Variants in RAB3GAP1 observed in about 807,000 individuals in gnomAD.
RAB3GAP1 encodes rab3 GTPase-activating protein catalytic subunit.
RAB3GAP1 carries 86 observed loss-of-function variants against 130.7 expected under a neutral mutation model. The observed-to-expected ratio is 0.66, with a 90% CI of 0.55 to 0.79. RAB3GAP1 has a LOEUF of 0.79. Ranked by LOEUF, RAB3GAP1 falls within the 30% of genes least tolerant of loss-of-function variation. The probability of loss-of-function intolerance (pLI) is 0.00; values close to 1 mark genes in which losing one functional copy is unlikely to be tolerated. For missense variants in RAB3GAP1, 1,029 were observed against 1,169.4 expected, an observed-to-expected ratio of 0.88 and a Z score of 1.75; for synonymous variants, 367 against 401.7, an observed-to-expected ratio of 0.91 and a Z score of 1.03.
At chr2:135,126,327 A>C in intron 10 of RAB3GAP1, 78 bp downstream of exon 10, 1 of 1,152,438 alleles carries the variant, frequency 8.7e-7, no homozygotes, top group Non-Finnish European at 1.3e-6. Context: ...AGTAATTTTT[A>C]TATGCATTTT....
At chr2:135,103,006 G>GAAAAAAA (rs371708711) in intron 5 of RAB3GAP1, among the ~76,000 whole-genome samples, 236 of 70,570 alleles carry the variant, frequency 3.3e-3, no homozygotes, top group Non-Finnish European at 4.5e-3. Context: ...GACTCCGTCT[G>GAAAAAAA]AAAAAAAAAA....
At chr2:135,088,383 C>T (rs1251179645) in intron 3 of RAB3GAP1, among the ~76,000 whole-genome samples, 1 of 151,982 alleles carries the variant, frequency 6.6e-6, no homozygotes, top group Non-Finnish European at 1.5e-5. Context: ...AAACCCACCC[C>T]ACACAAAAAA....
At chr2:135,085,022 G>C (rs966452844) in intron 3 of RAB3GAP1, among the ~76,000 whole-genome samples, 1 of 152,140 alleles carries the variant, frequency 6.6e-6, no homozygotes, top group African/African-American at 2.4e-5. Context: ...CTATGCACAG[G>C]TGTATAAAGA....
intron 4 of RAB3GAP1, among the ~76,000 whole-genome samples, chr2:135,093,364 T>C (rs1387765779): frequency 3.3e-5 from 5 of 152,174 alleles, no homozygotes. Flanking sequence ...GTGTGAGTTG[T>C]GACTCAGAAG....
At chr2:135,089,008 G>C (rs923516730) in intron 3 of RAB3GAP1, among the ~76,000 whole-genome samples, 3 of 152,058 alleles carry the variant, frequency 2.0e-5, no homozygotes, top group Non-Finnish European at 2.9e-5. Context: ...TTCTTCTAGG[G>C]TTTCTATGGT....
Position 135,168,960 on chromosome 2 carries a change from G to C in RAB3GAP1, c.*179G>C, listed in dbSNP as rs927040482. 1.8e-4 allele frequency: 124 copies of C among 680,260 alleles called. No homozygotes were observed. Among genetic ancestry groups the C allele is most frequent in the Non-Finnish European group, 2.2e-4 (83 of 377,920 alleles). The allele number at this position is 680,260 out of a possible 1,614,324, so 42.1% of individuals were successfully genotyped here. A position where few individuals can be genotyped will look rare whatever the true frequency, so the allele number is the denominator to read the frequency against. On this transcript the variant is annotated 3_prime_UTR_variant, in exon 24 of 24. Transcript: ENST00000264158. ...CAAGCTTGAGCTGTGTCGTTTCGTG[G>C]AGGGGGCAGCGAGGATGGGCTTGAG...
At chr2:135,113,808 G>A (rs1190169917) in intron 6 of RAB3GAP1, among the ~76,000 whole-genome samples, 3 of 151,712 alleles carry the variant, frequency 2.0e-5, no homozygotes, top group African/African-American at 7.3e-5. Flanking sequence ...GGCACAGTCT[G>A]GGCTCACTGC....
At chr2:135,053,039 C>T (rs1220811685) in intron 2 of RAB3GAP1, among the ~76,000 whole-genome samples, 2 of 152,102 alleles carry the variant, frequency 1.3e-5, no homozygotes, top group Non-Finnish European at 2.9e-5. Context: ...CCGCCCAGGC[C>T]GGAGTGCAGT....
chr2:135,061,822 A>C (rs374109454), intron 3 of RAB3GAP1, among the ~76,000 whole-genome samples: 104 of 152,250 alleles, frequency 6.8e-4, no homozygotes, highest in African/African-American at 2.3e-3. Context: ...TTGAGCTACT[A>C]TATGGAGGGA....
intron 17 of RAB3GAP1, among the ~76,000 whole-genome samples, chr2:135,143,965 C>T (rs1691922672): frequency 6.6e-6 from 1 of 152,186 alleles, no homozygotes; most frequent in Non-Finnish European, 1.5e-5. Context: ...TATCTTTTTG[C>T]ATAGTGACAC....
chr2:135,164,647 G>A lies in RAB3GAP1; in HGVS notation c.2660G>A (p.Arg887Lys). Reference sequence around the variant, plus strand: ...GAAGTGTTAGTCACCGGTGCAGGAAGAGGACATGCTGGCAGGATCATTCAC... The same window carrying A: ...GAAGTGTTAGTCACCGGTGCAGGAAAAGGACATGCTGGCAGGATCATTCAC... ...QPEVLVTGAG[R>K]GHAGRIIHKL... Residue 887 changes from arginine (R) to lysine (K), a missense_variant, in exon 23 of 24, where the codon AGA becomes AAA. By Grantham distance (26) the Arg-to-Lys change is conservative. Transcript: ENST00000264158. 6.2e-7 allele frequency: 1 copy of A among 1,613,560 alleles called. No individual in the cohort carries two copies.
intron 5 of RAB3GAP1, among the ~76,000 whole-genome samples, chr2:135,105,183 CTCCCTCTCCCTCTCCCCCT>C (rs1690558100): frequency 6.8e-6 from 1 of 145,988 alleles, no homozygotes; most frequent in East Asian, 2.1e-4. Context: ...AGCTCTCCCT[CTCCCTCTCCCTCTCCCCCT>C]TCCCTCTCCC....
rs1013118416 is a variant in RAB3GAP1 at position 135,079,079 on chromosome 2, C to A, written c.151-11919C>A. ...AGACACAGAGTTGCACCCTGTTGGCCAGGATGGTCTTGATCTCTTGACCTT... is the reference window on the plus strand; with the variant it reads ...AGACACAGAGTTGCACCCTGTTGGCAAGGATGGTCTTGATCTCTTGACCTT... On this transcript the variant is annotated intron_variant, in intron 3 of 23. Transcript: ENST00000264158. Among the ~76,000 whole-genome samples, 21 of 152,184 alleles carry A rather than the reference C, an allele frequency of 1.4e-4. No homozygotes were observed. In the East Asian group the frequency reaches 3.5e-3, roughly 25 times the overall value.
At chr2:135,094,753 AGTTT>A (rs771029412) in intron 5 of RAB3GAP1, among the ~76,000 whole-genome samples, 83 of 152,250 alleles carry the variant, frequency 5.5e-4, no homozygotes, top group African/African-American at 1.4e-3. Context: ...CCGTGAGTTC[AGTTT>A]GTTTGTTTTT....
intron 2 of RAB3GAP1, among the ~76,000 whole-genome samples, chr2:135,055,374 A>G (rs1051828146): frequency 3.9e-5 from 6 of 152,244 alleles, no homozygotes; most frequent in African/African-American, 1.4e-4. Flanking sequence ...TATTCATACA[A>G]TAAGTATTTT....
chr2:135,086,661 C>CTTTTTTTTTTTT (rs59270938), intron 3 of RAB3GAP1, among the ~76,000 whole-genome samples: 1 of 65,068 alleles, frequency 1.5e-5, no homozygotes, highest in Non-Finnish European at 2.8e-5. Flanking sequence ...TTCCCCTAAT[C>CTTTTTTTTTTTT]TTTTTTTTTT....
intron 3 of RAB3GAP1, among the ~76,000 whole-genome samples, chr2:135,081,327 A>AATATATATATAT (rs1214688390): frequency 1.1e-3 from 73 of 64,030 alleles, no homozygotes; most frequent in South Asian, 3.8e-3. Context: ...AAAAAAAAAA[A>AATATATATATAT]ATATATATAT....
intron 3 of RAB3GAP1, among the ~76,000 whole-genome samples, chr2:135,061,249 T>C (rs1332898192): frequency 6.6e-6 from 1 of 152,204 alleles, no homozygotes; most frequent in Non-Finnish European, 1.5e-5. Flanking sequence ...AAGCAGAACA[T>C]TATTGTATGA....
At chr2:135,110,738 T>G (rs1035106811) in intron 5 of RAB3GAP1, among the ~76,000 whole-genome samples, 2 of 152,220 alleles carry the variant, frequency 1.3e-5, no homozygotes, top group African/African-American at 4.8e-5. Context: ...GCAGTATTGT[T>G]GCAGCAGCAT....
Sources: gnomAD v4.1 joint callset for allele counts (sites outside exome capture counted in the v4.1 genomes callset) on GRCh38, gnomAD v4.1.1 for gene constraint, MANE v1.5 for transcripts, NCBI Gene and HGNC (gene_info 2026-07-23, HGNC 2026-07-21) for gene names.